The following RYR1 variants were observed in gnomAD, a reference collection of about 807,000 sequenced individuals.
RYR1 encodes the protein ryanodine receptor 1.
RYR1 carries 342 observed loss-of-function variants against 583.5 expected under a neutral mutation model. The observed-to-expected ratio is 0.59, with a 90% CI of 0.54 to 0.64. The LOEUF (loss-of-function observed/expected upper bound fraction) is 0.64, where lower values mean the gene tolerates loss of function less well. RYR1 is among the 30% of genes least tolerant of loss of function. RYR1 has a pLI of 0.00. For missense variants in RYR1, 6,032 were observed against 6,917.2 expected (o/e 0.87, Z 4.54); for synonymous variants, 2,791 against 2,822.5 (o/e 0.99, Z 0.35).
At chr19:38,536,281 G>A (rs1351551072) in intron 82 of RYR1, among the ~76,000 whole-genome samples, 5 of 62,364 alleles carry the variant, frequency 8.0e-5, no homozygotes, top group African/African-American at 1.7e-4. Context: ...ACCCACCTCC[G>A]CCCCCCCCCG....
intron 70 of RYR1, 35 bp from the exon 71 acceptor site, chr19:38,525,297 G>C: frequency 6.2e-7 from 1 of 1,613,506 alleles, no homozygotes; most frequent in Non-Finnish European, 8.5e-7. Flanking sequence ...ATGGGATTGG[G>C]GCTTGGGCTG....
In RYR1 at chr19:38,494,490, T is replaced by TGCCGCGGGCGTACACC; in HGVS notation, c.6414_6429dup (p.Ile2144AlafsTer114). ...GGGCTGGGTGAGCTGCTGCGTGCCC[T>TGCCGCGGGCGTACACC]GCCGCGGGCGTACACCATCTCACCG... On this transcript the variant is annotated frameshift_variant, in exon 39 of 106. Transcript: ENST00000359596. LOFTEE classifies it high-confidence loss of function. The TGCCGCGGGCGTACACC allele has an allele frequency of 6.2e-7, 1 of 1,613,352 alleles. No individual in the cohort carries two copies. Among genetic ancestry groups the TGCCGCGGGCGTACACC allele is most frequent in the Non-Finnish European group, 8.5e-7 (1 of 1,180,020 alleles).
chr19:38,557,419 G>C (rs568030983), intron 89 of RYR1, among the ~76,000 whole-genome samples: 27 of 152,342 alleles, frequency 1.8e-4, no homozygotes, highest in African/African-American at 6.0e-4. Flanking sequence ...GGTCTGAAGG[G>C]TGTGGGAGTG....
chr19:38,479,956 G>A (rs533879805), intron 31 of RYR1, among the ~76,000 whole-genome samples: 5 of 152,176 alleles, frequency 3.3e-5, no homozygotes, highest in Admixed American at 2.6e-4. Flanking sequence ...CTGGTCTCAA[G>A]CAATCCTTCT....
At position 38,460,519 on chromosome 19, in the gene RYR1, G is replaced by A. The variant is rs1266906726; in HGVS notation, c.2505G>A (p.Gly835=). The change falls in exon 20 of 106, where the codon GGG becomes GGA. Residue 835 remains glycine (G), a synonymous_variant. Coordinates refer to ENST00000359596, the MANE Select transcript of RYR1 (RefSeq NM_000540.3). The stretch of plus-strand genomic sequence containing the variant: ...AGTATCGACGGGAGGGGCCCCGGGG[G>A]CCTCACCTGGTGGGCCCCAGTCGCT... ...IKEYRREGPR[G]PHLVGPSRCL... 1 of 1,614,156 alleles carries A rather than the reference G, an allele frequency of 6.2e-7. No homozygotes were observed.
At chr19:38,552,552 G>A (rs1972710379) in intron 89 of RYR1, among the ~76,000 whole-genome samples, 1 of 152,026 alleles carries the variant, frequency 6.6e-6, no homozygotes, top group Admixed American at 6.6e-5. Flanking sequence ...CGCCTGGCCA[G>A]GATTGCTTTT....
chr19:38,527,794 G>C lies in RYR1; in HGVS notation c.10824+10G>C. The C allele has an allele frequency of 6.2e-7, 1 of 1,613,992 alleles. No homozygotes were observed. Among genetic ancestry groups the C allele is most frequent in the South Asian group, 1.1e-5 (1 of 91,070 alleles). On this transcript the variant is annotated intron_variant, in intron 73 of 105. Coordinates refer to ENST00000359596, the MANE Select transcript of RYR1 (RefSeq NM_000540.3). ...CTACTACCTGGACCAGGTGGGTGGG[G>C]CCGGAGGGGTCTTTCTACTGGGTCT... is the stretch of plus-strand genomic sequence containing the variant.
At position 38,460,565 on chromosome 19, in the gene RYR1, G is replaced by C; in HGVS notation, c.2551G>C (p.Val851Leu). Residue 851 changes from valine to leucine, a missense_variant, in exon 20 of 106, where the codon GTG becomes CTG. Physicochemically the swap from Val to Leu is conservative, Grantham distance 32 (BLOSUM62 1). Around this residue, in one of 11 missense-constraint regions of RYR1, gnomAD observed 2,627 missense variants for 2,961.3 expected, o/e 0.89. Coordinates refer to ENST00000359596, the MANE Select transcript of RYR1 (RefSeq NM_000540.3). Reference protein sequence around the residue: ...PSRCLSHTDFVPCPVDTVQIV... With the variant: ...PSRCLSHTDFLPCPVDTVQIV... ...TCGCTGCCTCTCACACACCGACTTC[G>C]TGCCCTGCCCTGTGGACACTGTCCA... The C allele has an allele frequency of 6.2e-7, 1 of 1,613,114 alleles. No homozygotes were observed. The highest frequency in any genetic ancestry group is 1.7e-5 in the Admixed American group (1 of 60,026).
At chr19:38,504,949 C>G in intron 51 of RYR1, 38 bp downstream of exon 51, 1 of 1,614,132 alleles carries the variant, frequency 6.2e-7, no homozygotes, top group South Asian at 1.1e-5. Context: ...AGGAAGATTT[C>G]AGGGGTGGAG....
rs753425281 is a variant in RYR1, at chr19:38,517,498, C to T, written c.9825C>T (p.Pro3275=). 2.3e-5 allele frequency: 37 copies of T among 1,614,122 alleles called. 1 individual carries two copies. The South Asian group carries it at 3.6e-4, about 16-fold the overall frequency. The change falls in exon 66 of 106, where the codon CCC becomes CCT. Residue 3275 remains proline, a synonymous_variant. Transcript: ENST00000359596. ...EMPHVIEITL[P]MLCSYLPRWW... ...CGCATGTCATCGAGATCACGCTGCC[C>T]ATGCTATGCAGCTACCTGCCCCGAT...
chr19:38,485,418 C>T lies in RYR1; in HGVS notation c.4935-172C>T, dbSNP rs775961408. ...CTTTCTGGGGTCTGTGCCTCTGTCT[C>T]CCATCTTCTCCCAGGATGGGTGAAT... On this transcript the variant is annotated intron_variant, in intron 33 of 105. Coordinates refer to ENST00000359596, the MANE Select transcript of RYR1 (RefSeq NM_000540.3). Among the ~76,000 whole-genome samples, 4 of 152,200 alleles carry T rather than the reference C, an allele frequency of 2.6e-5. 1 individual carries two copies. The highest frequency in any genetic ancestry group is 2.0e-4 in the Admixed American group (3 of 15,282).
At position 38,440,899 on chromosome 19, in the gene RYR1, G is replaced by T. The variant is rs572754513; in HGVS notation, c.165+35G>T. ...GGAGGGAGAGGGGCCTGGGGACAGG[G>T]GCGTCTGAAGGGGCAGAGAATCTTG... is the stretch of plus-strand genomic sequence containing the variant. On this transcript the variant is annotated intron_variant, in intron 2 of 105. Transcript: ENST00000359596. 371 of 1,598,516 alleles carry T rather than the reference G, an allele frequency of 2.3e-4. No individual in the cohort carries two copies. The South Asian group carries it at 2.6e-3, about 11-fold the overall frequency.
rs753701890 is a variant in RYR1, at chr19:38,467,810, C to T, written c.3379C>T (p.Arg1127Cys). 51 of 1,613,664 alleles carry T rather than the reference C, an allele frequency of 3.2e-5. No homozygotes were observed. Among genetic ancestry groups the T allele is most frequent in the Admixed American group, 2.3e-4 (14 of 59,978 alleles). Residue 1127 changes from arginine to cysteine, a missense_variant and splice_region_variant, in exon 25 of 106, where the codon CGC becomes TGC. Coordinates refer to ENST00000359596, the MANE Select transcript of RYR1 (RefSeq NM_000540.3). The stretch of plus-strand genomic sequence containing the variant: ...GCTGGCCTATGTCTTCAATGGGCAC[C>T]GCGTGGGTACCTCCCTGGGCACCAT... ...DELAYVFNGHRGQRWHLGSEP... is the reference protein window; with the variant it reads ...DELAYVFNGHCGQRWHLGSEP...
intron 20 of RYR1, among the ~76,000 whole-genome samples, chr19:38,461,720 TG>T (rs1260971321): frequency 4.9e-5 from 1 of 20,244 alleles, no homozygotes; most frequent in African/African-American, 2.8e-4. Flanking sequence ...AGCAAAACCC[TG>T]AAAAAAAAAA....
At position 38,492,580 on chromosome 19, in the gene RYR1, TGAA is replaced by T. The variant is rs913794924; in HGVS notation, c.6226_6228del (p.Lys2076del). 26 of 1,613,044 alleles carry T rather than the reference TGAA, an allele frequency of 1.6e-5. No homozygotes were observed. Among genetic ancestry groups the T allele is most frequent in the African/African-American group, 4.0e-5 (3 of 74,680 alleles). On this transcript the variant is annotated inframe_deletion, in exon 38 of 106. Coordinates refer to ENST00000359596, the MANE Select transcript of RYR1 (RefSeq NM_000540.3). ...AGCCTGTTGGAGAAAGTGCGGCTGG[TGAA>T]GAAGAAGGAAGAGAAACCTGAGGAG...
Position 38,527,664 on chromosome 19 carries a change from T to G in RYR1, c.10704T>G (p.Ser3568=). 1 of 1,614,164 alleles carries G rather than the reference T, an allele frequency of 6.2e-7. No individual in the cohort carries two copies. The highest frequency in any genetic ancestry group is 8.5e-7 in the Non-Finnish European group (1 of 1,180,030). ...HLQGKVEGSP[S]LRWQMALYRG... ...CCCTTCAGGTCGAAGGCTCCCCGTCTCTGCGCTGGCAGATGGCTCTGTACC... is the reference window on the plus strand; with the variant it reads ...CCCTTCAGGTCGAAGGCTCCCCGTCGCTGCGCTGGCAGATGGCTCTGTACC... The change falls in exon 73 of 106, where the codon TCT becomes TCG. Residue 3568 remains serine, a synonymous_variant. Transcript: ENST00000359596.
At chr19:38,434,290 C>A (rs966638041) in intron 1 of RYR1, among the ~76,000 whole-genome samples, 1 of 151,900 alleles carries the variant, frequency 6.6e-6, no homozygotes, top group African/African-American at 2.4e-5. Flanking sequence ...TATTTAAATT[C>A]TTGAGAAGGG....
In RYR1 at chr19:38,433,822, T is replaced by G. The variant is rs1972306092; in HGVS notation, c.-8T>G. On this transcript the variant is annotated 5_prime_UTR_variant, in exon 1 of 106. Coordinates refer to ENST00000359596, the MANE Select transcript of RYR1 (RefSeq NM_000540.3). Reference sequence around the variant, plus strand: ...GACCTCAGACCCTGGGCTTCCGACCTCGACATCATGGGTGACGCAGAAGGC... The same window carrying G: ...GACCTCAGACCCTGGGCTTCCGACCGCGACATCATGGGTGACGCAGAAGGC... 1.4e-6 allele frequency: 2 copies of G among 1,399,902 alleles called. No individual in the cohort carries two copies. The highest frequency in any genetic ancestry group is 1.9e-6 in the Non-Finnish European group (2 of 1,053,294). The allele number at this position is 1,399,902 out of a possible 1,614,324, so 86.7% of individuals were successfully genotyped here. A position where few individuals can be genotyped will look rare whatever the true frequency, so the allele number is the denominator to read the frequency against.
chr19:38,531,235 G>A (rs1971727183), intron 76 of RYR1, among the ~76,000 whole-genome samples: 1 of 151,958 alleles, frequency 6.6e-6, no homozygotes, highest in South Asian at 2.1e-4. Flanking sequence ...TGAAGAATTT[G>A]AGCATCCCAT....
Sources: gnomAD v4.1 joint callset for allele counts (sites outside exome capture counted in the v4.1 genomes callset) on GRCh38, gnomAD v4.1.1 for gene constraint, gnomAD v4.1.1 regional missense constraint, MANE v1.5 for transcripts, NCBI Gene and HGNC (gene_info 2026-07-23, HGNC 2026-07-21) for gene names.